Variants in GRID1 observed in about 807,000 individuals in gnomAD.
The protein encoded by GRID1 is glutamate receptor ionotropic, delta-1.
GRID1 carries 28 observed loss-of-function variants against 98.0 expected under a neutral mutation model. The observed-to-expected ratio is 0.29, with a 90% CI of 0.21 to 0.39. The LOEUF is 0.39. GRID1 is among the 10% of genes least tolerant of loss of function. The probability of loss-of-function intolerance (pLI) is 1.00; values close to 1 mark genes in which losing one functional copy is unlikely to be tolerated. For missense variants in GRID1, 1,111 were observed against 1,340.5 expected, an observed-to-expected ratio of 0.83 and a Z score of 2.67; for synonymous variants, 553 against 538.5, an observed-to-expected ratio of 1.03 and a Z score of -0.37.
chr10:85,663,450 C>A (rs1840987923), intron 12 of GRID1, among the ~76,000 whole-genome samples: 1 of 152,202 alleles, frequency 6.6e-6, no homozygotes, highest in Admixed American at 6.5e-5. Flanking sequence ...GCTCTGCCCA[C>A]ATTTTGATCT....
intron 8 of GRID1, among the ~76,000 whole-genome samples, chr10:85,762,444 T>A (rs900478593): frequency 2.6e-5 from 4 of 152,194 alleles, no homozygotes; most frequent in Admixed American, 6.5e-5. Context: ...CCAACTGAAT[T>A]AGAATTCTCC....
chr10:85,987,237 A>G (rs946028554), intron 4 of GRID1, among the ~76,000 whole-genome samples: 3 of 151,954 alleles, frequency 2.0e-5, no homozygotes, highest in African/African-American at 7.3e-5. Flanking sequence ...GACTGCCAGG[A>G]TCGACCGGCT....
chr10:86,281,347 A>G (rs1016328477), intron 2 of GRID1, among the ~76,000 whole-genome samples: 9 of 152,202 alleles, frequency 5.9e-5, no homozygotes, highest in African/African-American at 9.6e-5. Context: ...AGCTGCACCT[A>G]TTGCAGCCAG....
chr10:86,201,649 C>A (rs1177657260), intron 3 of GRID1, among the ~76,000 whole-genome samples: 1 of 150,128 alleles, frequency 6.7e-6, no homozygotes, highest in Non-Finnish European at 1.5e-5. Flanking sequence ...ATGAGTTTAC[C>A]TATGTAACAA....
intron 5 of GRID1, among the ~76,000 whole-genome samples, chr10:85,893,782 A>C (rs1224320650): frequency 1.3e-5 from 2 of 152,220 alleles, no homozygotes; most frequent in Admixed American, 1.3e-4. Context: ...CAATATTGTT[A>C]AGATGCCAAT....
intron 12 of GRID1, among the ~76,000 whole-genome samples, chr10:85,722,762 C>G (rs1380242211): frequency 1.3e-5 from 2 of 152,078 alleles, no homozygotes; most frequent in Admixed American, 6.5e-5. Flanking sequence ...GATTTCTTAG[C>G]TTTGTAGCCA....
At chr10:86,222,649 C>T (rs1223864845) in intron 2 of GRID1, among the ~76,000 whole-genome samples, 1 of 152,178 alleles carries the variant, frequency 6.6e-6, no homozygotes, top group African/African-American at 2.4e-5. Context: ...GCTGTAGGAG[C>T]CCCTAAGTGC....
chr10:85,685,442 T>C (rs1302321415), intron 12 of GRID1, among the ~76,000 whole-genome samples: 1 of 152,174 alleles, frequency 6.6e-6, no homozygotes, highest in Non-Finnish European at 1.5e-5. Flanking sequence ...ACCAATTACA[T>C]GGGTCAGAAA....
chr10:86,251,486 G>A (rs1846831400), intron 2 of GRID1, among the ~76,000 whole-genome samples: 1 of 152,288 alleles, frequency 6.6e-6, no homozygotes, highest in African/African-American at 2.4e-5. Context: ...GTCTGCGGGA[G>A]CTGGTCCCTC....
At position 85,772,368 on chromosome 10, in the gene GRID1, C is replaced by A. The variant is rs1012864847; in HGVS notation, c.1234-42754G>T. On this transcript the variant is annotated intron_variant, in intron 8 of 15. Transcript: ENST00000327946. Reference sequence around the variant, plus strand: ...AGCACTAAATGCCCACAAGAGAAAGCAGGAAAGATCCAAAATTGACACCCT... The same window carrying A: ...AGCACTAAATGCCCACAAGAGAAAGAAGGAAAGATCCAAAATTGACACCCT... 4.0e-5 allele frequency among the ~76,000 whole-genome samples: 6 copies of A among 151,548 alleles called. No homozygotes were observed. In the East Asian group the frequency reaches 9.7e-4, roughly 24 times the overall value.
rs117203313 is a variant in GRID1 at position 86,192,981 on chromosome 10, A to G, written c.520+13383T>C. On this transcript the variant is annotated intron_variant, in intron 3 of 15. Transcript: ENST00000327946. The surrounding 1 kb of genome is among the most constrained non-coding windows in gnomAD (Gnocchi z 4.8). Reference sequence around the variant, plus strand: ...AGCGTGTGTCTCAGGAGAGCCCGGGAGGATGGGAAGCAAGGAAGACAGAAG... The same window carrying G: ...AGCGTGTGTCTCAGGAGAGCCCGGGGGGATGGGAAGCAAGGAAGACAGAAG... Among the ~76,000 whole-genome samples, 37 of 152,154 alleles carry G rather than the reference A, an allele frequency of 2.4e-4. No individual in the cohort carries two copies. The East Asian group carries it at 6.8e-3, about 28-fold the overall frequency.
intron 8 of GRID1, among the ~76,000 whole-genome samples, chr10:85,795,514 T>G (rs1044820471): frequency 1.9e-4 from 29 of 152,358 alleles, no homozygotes; most frequent in African/African-American, 4.8e-5. Flanking sequence ...TAAATGCACT[T>G]GAATACAAGG....
chr10:86,042,824 A>C (rs1191109543), intron 4 of GRID1, among the ~76,000 whole-genome samples: 1 of 152,226 alleles, frequency 6.6e-6, no homozygotes. Context: ...AGTGGCTTAC[A>C]CTTGCAATCC....
intron 5 of GRID1, among the ~76,000 whole-genome samples, chr10:85,876,682 C>T (rs570081529): frequency 2.0e-4 from 30 of 152,298 alleles, no homozygotes; most frequent in African/African-American, 7.0e-4. Context: ...GTGAGTGACA[C>T]AGAAGACAGG....
intron 12 of GRID1, among the ~76,000 whole-genome samples, chr10:85,700,069 G>A (rs538074120): frequency 1.5e-4 from 23 of 152,074 alleles, no homozygotes; most frequent in Admixed American, 3.3e-4. Context: ...GCATGCTGGC[G>A]TTCTTCAGCC....
At chr10:85,895,016 A>AAAAATAT (rs766551035) in intron 5 of GRID1, among the ~76,000 whole-genome samples, 20 of 97,110 alleles carry the variant, frequency 2.1e-4, no homozygotes, top group Non-Finnish European at 2.7e-4. Flanking sequence ...AAAAAAAAAA[A>AAAAATAT]ATATATATAT....
rs1296329777 is a variant in GRID1 at position 85,602,408 on chromosome 10, C to T, written c.2895G>A (p.Gln965=). 2 of 1,613,790 alleles carry T rather than the reference C, an allele frequency of 1.2e-6. No individual in the cohort carries two copies. The highest frequency in any genetic ancestry group is 1.7e-6 in the Non-Finnish European group (2 of 1,179,912). Reference sequence around the variant, plus strand: ...CCCCGTTGGGTGACCTGTGTTTGCACTGCATGGAGGGCATGGTCGCCGAGC... The same window carrying T: ...CCCCGTTGGGTGACCTGTGTTTGCATTGCATGGAGGGCATGGTCGCCGAGC... ...LSSSATMPSM[Q]CKHRSPNGGL... Residue 965 remains glutamine, a synonymous_variant, in exon 16 of 16, where the codon CAG becomes CAA. Coordinates refer to ENST00000327946, the MANE Select transcript of GRID1 (RefSeq NM_017551.3).
At chr10:85,765,703 C>A (rs550483919) in intron 8 of GRID1, among the ~76,000 whole-genome samples, 3 of 152,256 alleles carry the variant, frequency 2.0e-5, no homozygotes, top group Admixed American at 6.5e-5. Flanking sequence ...CAAATATTCC[C>A]AAATCAGAAA....
chr10:86,286,836 C>A (rs1022537506), intron 2 of GRID1, among the ~76,000 whole-genome samples: 5 of 152,222 alleles, frequency 3.3e-5, no homozygotes, highest in Admixed American at 3.3e-4. Context: ...GGGAAGAAGT[C>A]AGCACCCATG....
Sources: allele counts gnomAD v4.1 joint callset (sites outside exome capture counted in the v4.1 genomes callset), GRCh38; gene constraint gnomAD v4.1.1; non-coding constraint Gnocchi (gnomAD v3.1); transcripts MANE v1.5; gene names NCBI Gene and HGNC (gene_info 2026-07-23, HGNC 2026-07-21).